ZFAT: variants seen among roughly 807,000 people sequenced by gnomAD.
ZFAT encodes the protein zinc finger and AT-hook domain containing.
Under a neutral mutation model 117.7 loss-of-function variants are expected in ZFAT, and 64 were observed. That is an observed-to-expected ratio of 0.54 (90% CI 0.44 to 0.67). The LOEUF (loss-of-function observed/expected upper bound fraction) is 0.67. Ranked by LOEUF, ZFAT falls within the 30% of genes least tolerant of loss-of-function variation. The pLI, the probability that ZFAT is intolerant of heterozygous loss-of-function variation, is 0.00. For missense variants in ZFAT, 1,433 were observed against 1,584.5 expected, an observed-to-expected ratio of 0.90 and a Z score of 1.62; for synonymous variants, 679 against 615.0, an observed-to-expected ratio of 1.10 and a Z score of -1.54.
the ZFAT span, among the ~76,000 whole-genome samples, chr8:134,730,439 G>A: frequency 6.6e-6 from 1 of 152,192 alleles, no homozygotes; most frequent in Non-Finnish European, 1.5e-5. Flanking sequence ...TGCCAGAGAT[G>A]AATTTGTCAC....
the ZFAT span, among the ~76,000 whole-genome samples, chr8:134,721,836 C>T: frequency 6.6e-6 from 1 of 152,230 alleles, no homozygotes; most frequent in Admixed American, 6.5e-5. Flanking sequence ...ACTCACCTCC[C>T]TGTGCCCTCT....
the ZFAT span, among the ~76,000 whole-genome samples, chr8:134,762,011 T>TGTGTGTGTGTGTGTGTGTGTGTGTGC: frequency 2.0e-5 from 3 of 150,136 alleles, no homozygotes; most frequent in African/African-American, 7.3e-5. Context: ...TGTGTGTGTG[T>TGTGTGTGTGTGTGTGTGTGTGTGTGC]GCAAATGTGT....
In ZFAT at chr8:134,543,642, T is replaced by C. The variant is rs367986721; in HGVS notation, c.2977-10670A>G. Among the ~76,000 whole-genome samples the C allele has an allele frequency of 5.9e-5, 9 of 152,278 alleles. 1 individual carries two copies. Among genetic ancestry groups the C allele is most frequent in the Admixed American group, 3.9e-4 (6 of 15,292 alleles). ...GGCTCTGTGTATCTTCCCCTCAATA[T>C]CCTTGAGAAAGAATCTATTGATTCT... On this transcript the variant is annotated intron_variant, in intron 11 of 15. Coordinates refer to ENST00000377838, the MANE Select transcript of ZFAT (RefSeq NM_020863.4).
intron 8 of ZFAT, among the ~76,000 whole-genome samples, chr8:134,589,530 C>A (rs548254935): frequency 3.3e-4 from 51 of 152,364 alleles, no homozygotes; most frequent in African/African-American, 1.2e-3. Flanking sequence ...GTCTGCTTTC[C>A]TGGGCCTGCC....
chr8:134,783,384 C>A, the ZFAT span, among the ~76,000 whole-genome samples: 3 of 152,088 alleles, frequency 2.0e-5, no homozygotes, highest in Non-Finnish European at 4.4e-5. Context: ...CTGTGAACTG[C>A]ACATGCAAGG....
intron 15 of ZFAT, among the ~76,000 whole-genome samples, chr8:134,503,497 C>T (rs1819146100): frequency 1.3e-5 from 2 of 152,174 alleles, no homozygotes; most frequent in Non-Finnish European, 2.9e-5. Context: ...TTTTATATGT[C>T]AACTTGACTG....
At chr8:134,564,864 C>G (rs1824313538) in intron 11 of ZFAT, 1 of 889,860 alleles carries the variant, frequency 1.1e-6, no homozygotes, top group South Asian at 2.0e-5. Flanking sequence ...TATGAAATGC[C>G]ACCATCTCCT....
the ZFAT span, among the ~76,000 whole-genome samples, chr8:134,757,970 C>A: frequency 1.3e-5 from 2 of 152,232 alleles, no homozygotes; most frequent in East Asian, 3.8e-4. Flanking sequence ...CAACTGACTG[C>A]TGATCAATCT....
At position 134,551,965 on chromosome 8, in the gene ZFAT, G is replaced by A. The variant is rs79943709; in HGVS notation, c.2976+13368C>T. ...AATCAGAGAGCTTTCTGGTTGCAACGGGTTTTTTAAGTTACAGGTTTTACA... is the reference window on the plus strand; with the variant it reads ...AATCAGAGAGCTTTCTGGTTGCAACAGGTTTTTTAAGTTACAGGTTTTACA... On this transcript the variant is annotated intron_variant, in intron 11 of 15. Coordinates refer to ENST00000377838, the MANE Select transcript of ZFAT (RefSeq NM_020863.4). Among the ~76,000 whole-genome samples the A allele has an allele frequency of 5.4e-3, 819 of 152,176 alleles. 6 individuals carry two copies. The highest frequency in any genetic ancestry group is 0.019 in the African/African-American group (783 of 41,504).
At chr8:134,623,164 G>A (rs554331811) in intron 3 of ZFAT, among the ~76,000 whole-genome samples, 8 of 152,090 alleles carry the variant, frequency 5.3e-5, no homozygotes, top group Admixed American at 3.3e-4. Flanking sequence ...ATACTGCTCC[G>A]GCTCAAGTCA....
rs914861410 is a variant in ZFAT, at chr8:134,665,905, G to A, written c.20-8168C>T. On this transcript the variant is annotated intron_variant, in intron 1 of 15. Coordinates refer to ENST00000377838, the MANE Select transcript of ZFAT (RefSeq NM_020863.4). The stretch of plus-strand genomic sequence containing the variant: ...GGCTTGACACAGAAGGACGGCAGAG[G>A]AGGGAGCTGGTATTGTTGACATGGA... 2.6e-5 allele frequency among the ~76,000 whole-genome samples: 4 copies of A among 152,186 alleles called. No homozygotes were observed. The South Asian group carries it at 8.3e-4, about 32-fold the overall frequency.
chr8:134,600,670 T>TA lies in ZFAT; in HGVS notation c.2243-3dup, dbSNP rs35184160. 6.4e-7 allele frequency: 1 copy of TA among 1,568,268 alleles called. No individual in the cohort carries two copies. The highest frequency in any genetic ancestry group is 8.6e-7 in the Non-Finnish European group (1 of 1,157,654). On this transcript the variant is annotated splice_region_variant and splice_polypyrimidine_tract_variant and intron_variant, in intron 6 of 15. Transcript: ENST00000377838. ...GCACTTGGTACCAAAAAAGTTTGCC[T>TA]AAAAAAATATTTTCACATGAGAACA... is the stretch of plus-strand genomic sequence containing the variant.
rs141040138 is a variant in ZFAT, at chr8:134,708,999, T to C, written c.19+3846A>G. Among the ~76,000 whole-genome samples, 504 of 152,254 alleles carry C rather than the reference T, an allele frequency of 3.3e-3. 4 individuals carry two copies. The highest frequency in any genetic ancestry group is 0.011 in the African/African-American group (461 of 41,538). ...TTAAAAATGACTTATTTAAAAAAAA[T>C]TACTCGGCTGGGCACAGTGACTCAA... On this transcript the variant is annotated intron_variant, in intron 1 of 15. Transcript: ENST00000377838.
At chr8:134,490,933 AC>A (rs1260707683) in intron 15 of ZFAT, among the ~76,000 whole-genome samples, 1 of 152,040 alleles carries the variant, frequency 6.6e-6, no homozygotes, top group African/African-American at 2.4e-5. Flanking sequence ...GCTCTCCTCC[AC>A]CACGCCTGAA....
intron 1 of ZFAT, among the ~76,000 whole-genome samples, chr8:134,662,461 C>T (rs16905214): frequency 1.3e-5 from 2 of 151,920 alleles, no homozygotes; most frequent in African/African-American, 4.8e-5. Context: ...CTGGATCCAG[C>T]CATGAGGAAG....
At position 134,579,956 on chromosome 8, in the gene ZFAT, C is replaced by CAAA. The variant is rs149153004; in HGVS notation, c.2887+3873_2887+3875dup. 3.6e-3 allele frequency among the ~76,000 whole-genome samples: 411 copies of CAAA among 115,032 alleles called. 3 individuals carry two copies. The highest frequency in any genetic ancestry group is 5.4e-3 in the African/African-American group (168 of 31,372). The allele number at this position is 115,032 out of a possible 152,430, so 75.5% of individuals were successfully genotyped here. On this transcript the variant is annotated intron_variant, in intron 10 of 15. Transcript: ENST00000377838. ...CAAAGTGAGACTCTGACACAGGGAACAAAAAAAAAAAAAAAAAGAACAATG... is the reference window on the plus strand; with the variant it reads ...CAAAGTGAGACTCTGACACAGGGAACAAAAAAAAAAAAAAAAAAAAGAACAATG...
chr8:134,590,461 C>T (rs939527978), intron 7 of ZFAT, 106 bp from the exon 8 acceptor site: 22 of 796,116 alleles, frequency 2.8e-5, no homozygotes, highest in Non-Finnish European at 4.3e-5. Flanking sequence ...CCACCACTAC[C>T]ACTCACGCTA....
At chr8:134,596,754 C>A (rs534970217) in intron 7 of ZFAT, among the ~76,000 whole-genome samples, 1 of 152,114 alleles carries the variant, frequency 6.6e-6, no homozygotes, top group South Asian at 2.1e-4. Context: ...AAATGAGTCA[C>A]AAAAGACTGT....
intron 1 of ZFAT, among the ~76,000 whole-genome samples, chr8:134,686,509 A>G (rs1833332439): frequency 6.6e-6 from 1 of 152,216 alleles, no homozygotes; most frequent in East Asian, 1.9e-4. Context: ...CGTTAATCTA[A>G]GAAAATGTGA....
Sources: allele counts gnomAD v4.1 joint callset (sites outside exome capture counted in the v4.1 genomes callset), GRCh38; gene constraint gnomAD v4.1.1; transcripts MANE v1.5; gene names NCBI Gene and HGNC (gene_info 2026-07-23, HGNC 2026-07-21).